Variants in NT5C3B observed in about 807,000 individuals in gnomAD.
NT5C3B encodes the protein 5'-nucleotidase, cytosolic IIIB.
NT5C3B carries 28 observed loss-of-function variants against 32.5 expected under a neutral mutation model. That is an observed-to-expected ratio of 0.86 (90% CI 0.64 to 1.18). The LOEUF (loss-of-function observed/expected upper bound fraction) is 1.18. NT5C3B is among the 50% of genes most tolerant of loss of function. NT5C3B has a pLI of 0.00. For synonymous variants in NT5C3B, 138 were observed against 118.0 expected, an observed-to-expected ratio of 1.17 and a Z score of -1.10; for missense variants, 317 against 322.0, an observed-to-expected ratio of 0.98 and a Z score of 0.12.
At chr17:41,834,965 A>G in intron 4 of NT5C3B, 105 bp downstream of exon 4, 1 of 1,187,384 alleles carries the variant, frequency 8.4e-7, no homozygotes. Context: ...AGTTTTTAAA[A>G]ATTAATTTTC....
At position 41,825,481 on chromosome 17, in the gene NT5C3B, C is replaced by T. The variant is rs781826986; in HGVS notation, c.*42G>A. ...GGGGAGCAGACTCTGGGGAGGCGCCCCTCCTCACCACGGCCTGCAGGCCGG... is the reference window on the plus strand; with the variant it reads ...GGGGAGCAGACTCTGGGGAGGCGCCTCTCCTCACCACGGCCTGCAGGCCGG... On this transcript the variant is annotated 3_prime_UTR_variant, in exon 9 of 9. Coordinates refer to ENST00000435506, the MANE Select transcript of NT5C3B (RefSeq NM_052935.5). The T allele has an allele frequency of 2.3e-6, 2 of 854,454 alleles. No homozygotes were observed. Among genetic ancestry groups the T allele is most frequent in the East Asian group, 4.8e-5 (2 of 41,244 alleles). 52.9% of individuals were successfully genotyped at this position (854,454 alleles called of 1,614,324 possible).
chr17:41,825,899 A>G (rs3744781), intron 8 of NT5C3B, among the ~76,000 whole-genome samples: 116,096 of 152,142 alleles, frequency 0.76, 44,575 homozygotes, highest in Admixed American at 0.84. Context: ...GAATAAAAAC[A>G]AAAAACCAGA....
At chr17:41,832,007 G>A (rs1313025863) in intron 5 of NT5C3B, among the ~76,000 whole-genome samples, 3 of 152,112 alleles carry the variant, frequency 2.0e-5, no homozygotes, top group African/African-American at 4.8e-5. Context: ...AGGGAGCCAC[G>A]ATCATGCCAT....
At chr17:41,833,083 C>G (rs1317238242) in intron 4 of NT5C3B, among the ~76,000 whole-genome samples, 2 of 152,128 alleles carry the variant, frequency 1.3e-5, no homozygotes, top group Non-Finnish European at 2.9e-5. Context: ...TGTACTCACC[C>G]TGAGAGTGAG....
intron 4 of NT5C3B, among the ~76,000 whole-genome samples, chr17:41,834,643 T>A (rs531429434): frequency 3.3e-5 from 5 of 151,844 alleles, no homozygotes; most frequent in South Asian, 2.1e-4. Context: ...AGCTACTCAG[T>A]AGGGCTGAGG....
Position 41,830,789 on chromosome 17 carries a change from C to T in NT5C3B, c.404+12G>A. ...AGTCTGATAGAAATGTTTTCCAGAG[C>T]AAGACGCTTACCTGAGCATTGCATT... On this transcript the variant is annotated intron_variant, in intron 6 of 8. Transcript: ENST00000435506. The T allele has an allele frequency of 6.4e-7, 1 of 1,563,252 alleles. No individual in the cohort carries two copies. The highest frequency in any genetic ancestry group is 8.8e-7 in the Non-Finnish European group (1 of 1,133,626).
At position 41,835,923 on chromosome 17, in the gene NT5C3B, C is replaced by T. The variant is rs1250289424; in HGVS notation, c.47G>A (p.Arg16Gln). 4 of 1,603,970 alleles carry T rather than the reference C, an allele frequency of 2.5e-6. No homozygotes were observed. The highest frequency in any genetic ancestry group is 1.3e-5 in the African/African-American group (1 of 74,758). Residue 16 changes from arginine to glutamine, a missense_variant, in exon 2 of 9, where the codon CGG becomes CAG. Arg to Gln is a conservative substitution (Grantham distance 43). Transcript: ENST00000435506. ...STLMKATVLM[R>Q]QPGRVQEIVG... is the part of the protein sequence containing the mutation. ...GATCTCCTGCACCCGCCCAGGCTGC[C>T]GCATCAGGACCGTGGCCTTCATCAG...
intron 6 of NT5C3B, 70 bp from the exon 7 acceptor site, chr17:41,829,022 G>GT: frequency 1.4e-6 from 2 of 1,381,430 alleles, no homozygotes; most frequent in South Asian, 1.3e-5. Context: ...TATTTGGGTT[G>GT]TTTTTTGGGT....
chr17:41,835,737 G>C, intron 2 of NT5C3B, 122 bp downstream of exon 2: 1 of 1,049,252 alleles, frequency 9.5e-7, no homozygotes, highest in Non-Finnish European at 1.4e-6. Context: ...CAAGCTCCCG[G>C]CCATTTCTTG....
intron 4 of NT5C3B, among the ~76,000 whole-genome samples, chr17:41,834,393 T>TATACAC (rs2048107602): frequency 7.2e-6 from 1 of 139,716 alleles, no homozygotes; most frequent in Non-Finnish European, 1.5e-5. Flanking sequence ...AAAAAAAAAA[T>TATACAC]ACACACACAC....
chr17:41,828,895 G>C lies in NT5C3B; in HGVS notation c.462C>G (p.Ile154Met). 6.2e-7 allele frequency: 1 copy of C among 1,614,014 alleles called. No individual in the cohort carries two copies. The change falls in exon 7 of 9, where the codon ATC becomes ATG. Residue 154 changes from isoleucine to methionine, a missense_variant. Ile to Met is a conservative substitution (Grantham distance 10). Coordinates refer to ENST00000435506, the MANE Select transcript of NT5C3B (RefSeq NM_052935.5). ...GGATATCACCAATGCCCGCAGAAAA[G>C]ATGAAAAGGGGAATGTTGTTATGGT... ...TLYHNNIPLF[I>M]FSAGIGDILE...
intron 8 of NT5C3B, among the ~76,000 whole-genome samples, chr17:41,826,171 A>C (rs12945244): frequency 0.9 from 134,704 of 149,416 alleles, 60,919 homozygotes; most frequent in East Asian, 1. Context: ...AAAAAAAAAA[A>C]AAAAAAAAAC....
intron 8 of NT5C3B, 69 bp from the exon 9 acceptor site, chr17:41,825,726 G>T: frequency 2.3e-6 from 2 of 856,780 alleles, no homozygotes; most frequent in Non-Finnish European, 4.1e-6. Flanking sequence ...CACTCTCAAA[G>T]CCCCTGGGGC....
chr17:41,825,181 T>C lies in NT5C3B; in HGVS notation c.*342A>G, dbSNP rs1175734591. 4 of 185,276 alleles carry C rather than the reference T, an allele frequency of 2.2e-5. No homozygotes were observed. The highest frequency in any genetic ancestry group is 1.3e-4 in the East Asian group (1 of 7,488). The allele number at this position is 185,276 out of a possible 1,614,324, so 11.5% of individuals were successfully genotyped here. The stretch of plus-strand genomic sequence containing the variant: ...CCCACATCCCCTGAATCAGAGCAGC[T>C]TTTTTTTCATTTTAAAAATTTTGAT... On this transcript the variant is annotated 3_prime_UTR_variant, in exon 9 of 9. Transcript: ENST00000435506.
At chr17:41,827,701 C>A in intron 7 of NT5C3B, 75 bp from the exon 8 acceptor site, 1 of 736,094 alleles carries the variant, frequency 1.4e-6, no homozygotes, top group South Asian at 1.5e-5. Context: ...CTGTCTCTGT[C>A]ACAGAGAAAA....
Position 41,835,117 on chromosome 17 carries a change from C to G in NT5C3B, c.182-1G>C, listed in dbSNP as rs782080964. The G allele has an allele frequency of 8.7e-6, 14 of 1,614,020 alleles. 1 individual carries two copies. In the South Asian group the frequency reaches 1.1e-4, roughly 13 times the overall value. On this transcript the variant is annotated splice_acceptor_variant, in intron 3 of 8. Coordinates refer to ENST00000435506, the MANE Select transcript of NT5C3B (RefSeq NM_052935.5). LOFTEE classifies it high-confidence loss of function. ...ATGATCTTGCTATTATCCAGAATATCTGGAAAAAGAGAAAACTCCTTTTAC... is the reference window on the plus strand; with the variant it reads ...ATGATCTTGCTATTATCCAGAATATGTGGAAAAAGAGAAAACTCCTTTTAC...
intron 8 of NT5C3B, 55 bp downstream of exon 8, chr17:41,827,371 G>A (rs146393032): frequency 2.1e-5 from 17 of 801,760 alleles, no homozygotes; most frequent in Non-Finnish European, 2.6e-5. Context: ...ATTTGTTAAT[G>A]GGCATTCAAA....
intron 6 of NT5C3B, 24 bp from the exon 7 acceptor site, chr17:41,828,976 G>T: frequency 6.3e-7 from 1 of 1,594,330 alleles, no homozygotes; most frequent in Non-Finnish European, 8.6e-7. Context: ...GAGGAATTCT[G>T]AAATGGCACT....
chr17:41,835,751 CAG>C, intron 2 of NT5C3B, 106 bp downstream of exon 2: 1 of 1,141,498 alleles, frequency 8.8e-7, no homozygotes, highest in South Asian at 1.3e-5. Flanking sequence ...TTTCTTGGGG[CAG>C]AGAGCTAGGA....
Sources: allele counts gnomAD v4.1 joint callset (sites outside exome capture counted in the v4.1 genomes callset), GRCh38; gene constraint gnomAD v4.1.1; transcripts MANE v1.5; gene names NCBI Gene and HGNC (gene_info 2026-07-23, HGNC 2026-07-21).